The following TANC1 variants were observed in gnomAD, a reference collection of about 807,000 sequenced individuals.
TANC1 encodes the protein tetratricopeptide repeat, ankyrin repeat and coiled-coil containing 1.
Under a neutral mutation model 149.7 loss-of-function variants are expected in TANC1, and 77 were observed. The ratio of observed to expected loss-of-function variants is 0.51; its 90% CI spans 0.43 to 0.62. The LOEUF (loss-of-function observed/expected upper bound fraction) is 0.62, where lower values mean the gene tolerates loss of function less well. Ranked by LOEUF, TANC1 falls within the 20% of genes least tolerant of loss-of-function variation. The probability of loss-of-function intolerance (pLI) is 0.00; values close to 1 mark genes in which losing one functional copy is unlikely to be tolerated. For missense variants in TANC1, 1,985 were observed against 2,321.8 expected (o/e 0.85, Z 2.98); for synonymous variants, 854 against 925.0 (o/e 0.92, Z 1.39).
chr2:159,024,239 C>T lies in TANC1; in HGVS notation c.-16+23050C>T, dbSNP rs184987529. On this transcript the variant is annotated intron_variant, in intron 2 of 26. Coordinates refer to ENST00000263635, the MANE Select transcript of TANC1 (RefSeq NM_033394.3). ...AAGATTATAATAGGAACTGGAAAAT[C>T]CCTATTGCCTAGTGACATGGTAGCC... Among the ~76,000 whole-genome samples, 597 of 152,216 alleles carry T rather than the reference C, an allele frequency of 3.9e-3. 3 individuals carry two copies. Among genetic ancestry groups the T allele is most frequent in the Non-Finnish European group, 6.3e-3 (430 of 68,010 alleles).
chr2:159,077,747 T>A (rs935873839), intron 3 of TANC1, among the ~76,000 whole-genome samples: 2 of 152,200 alleles, frequency 1.3e-5, no homozygotes, highest in African/African-American at 4.8e-5. Context: ...TATATATATT[T>A]TTTTTATTAC....
intron 4 of TANC1, among the ~76,000 whole-genome samples, chr2:159,113,111 T>C (rs2047921759): frequency 6.6e-6 from 1 of 152,022 alleles, no homozygotes; most frequent in South Asian, 2.1e-4. Flanking sequence ...ATTTTTGTAT[T>C]TTTAGTAGAG....
chr2:159,037,386 T>A (rs1160797004), intron 2 of TANC1, among the ~76,000 whole-genome samples: 1 of 152,208 alleles, frequency 6.6e-6, no homozygotes, highest in Admixed American at 6.5e-5. Context: ...TTTGTCAATT[T>A]TGGCTTTTGT....
rs1290531891 is a variant in TANC1 at position 159,219,728 on chromosome 2, C to A, written c.3539C>A (p.Ser1180Ter). Reference sequence around the variant, plus strand: ...TCTTCTCTAGACAAAGAGGGTCTGTCAGCATTAAGCTGGGCTTGTCTGAAA... The same window carrying A: ...TCTTCTCTAGACAAAGAGGGTCTGTAAGCATTAAGCTGGGCTTGTCTGAAA... Reference protein sequence around the residue: ...ALSSLDKEGLSALSWACLKGH... With the variant: ...ALSSLDKEGL Residue 1180 changes from serine (S) to a stop codon, truncating the protein, a stop_gained, in exon 22 of 27, where the codon TCA (serine) becomes TAA (stop). Coordinates refer to ENST00000263635, the MANE Select transcript of TANC1 (RefSeq NM_033394.3). LOFTEE classifies it high-confidence loss of function. 4 of 1,614,098 alleles carry A rather than the reference C, an allele frequency of 2.5e-6. No individual in the cohort carries two copies. Among genetic ancestry groups the A allele is most frequent in the African/African-American group, 1.3e-5 (1 of 74,916 alleles).
intron 3 of TANC1, among the ~76,000 whole-genome samples, chr2:159,073,675 T>C (rs963002836): frequency 3.9e-5 from 6 of 152,244 alleles, no homozygotes; most frequent in African/African-American, 1.4e-4. Context: ...AAAGGTCTTA[T>C]TTTGTACAGA....
intron 2 of TANC1, among the ~76,000 whole-genome samples, chr2:159,062,973 C>CCAAAAAAAAAAAAAAAAAAA (rs770866772): frequency 7.3e-5 from 3 of 41,216 alleles, no homozygotes; most frequent in Non-Finnish European, 1.6e-4. Context: ...GACTCCGTCT[C>CCAAAAAAAAAAAAAAAAAAA]AAAAAAAAAA....
intron 5 of TANC1, among the ~76,000 whole-genome samples, chr2:159,139,320 G>GA (rs1419081950): frequency 6.6e-6 from 1 of 152,154 alleles, no homozygotes; most frequent in African/African-American, 2.4e-5. Context: ...TCTACTCTAG[G>GA]AAAAACGGAT....
At chr2:159,166,477 G>A (rs1426749104) in intron 8 of TANC1, among the ~76,000 whole-genome samples, 6 of 152,214 alleles carry the variant, frequency 3.9e-5, no homozygotes, top group Non-Finnish European at 8.8e-5. Flanking sequence ...TATGGTGTGT[G>A]TGTGTGTGTG....
chr2:159,217,294 C>G (rs2059408050), intron 19 of TANC1, among the ~76,000 whole-genome samples: 1 of 152,196 alleles, frequency 6.6e-6, no homozygotes, highest in Non-Finnish European at 1.5e-5. Context: ...CAGCCCATCT[C>G]TTAGGACCTG....
chr2:158,999,410 G>C (rs2036430589), intron 1 of TANC1, among the ~76,000 whole-genome samples: 1 of 152,202 alleles, frequency 6.6e-6, no homozygotes, highest in African/African-American at 2.4e-5. Context: ...TAGCAAGGGA[G>C]GTTTATTATT....
At chr2:159,144,890 A>G (rs2051888572) in intron 5 of TANC1, among the ~76,000 whole-genome samples, 1 of 152,236 alleles carries the variant, frequency 6.6e-6, no homozygotes, top group Admixed American at 6.5e-5. Context: ...CTCATTTAGC[A>G]GACTAGATTC....
chr2:159,075,219 A>T (rs1040349488), intron 3 of TANC1, among the ~76,000 whole-genome samples: 1 of 152,174 alleles, frequency 6.6e-6, no homozygotes, highest in East Asian at 1.9e-4. Flanking sequence ...AGAAGTAAAA[A>T]TGAGAATATC....
intron 3 of TANC1, among the ~76,000 whole-genome samples, chr2:159,074,801 G>A (rs780116650): frequency 2.6e-5 from 4 of 152,108 alleles, no homozygotes; most frequent in Non-Finnish European, 5.9e-5. Context: ...CATGCTGCAC[G>A]CTTGAAAGTC....
At chr2:159,106,836 T>C (rs1193636166) in intron 4 of TANC1, among the ~76,000 whole-genome samples, 1 of 152,210 alleles carries the variant, frequency 6.6e-6, no homozygotes, top group Non-Finnish European at 1.5e-5. Context: ...GCTTGTATTG[T>C]CTTTTTTATT....
At chr2:159,195,092 A>G (rs1294233645) in intron 17 of TANC1, among the ~76,000 whole-genome samples, 2 of 152,190 alleles carry the variant, frequency 1.3e-5, no homozygotes, top group Admixed American at 6.5e-5. Context: ...TGAAGTAAGT[A>G]TGTATTGCTA....
At chr2:159,134,321 T>C (rs1467738758) in intron 4 of TANC1, among the ~76,000 whole-genome samples, 3 of 152,204 alleles carry the variant, frequency 2.0e-5, no homozygotes, top group South Asian at 2.1e-4. Context: ...TTCTTTATTT[T>C]TGAGACAGGG....
intron 3 of TANC1, among the ~76,000 whole-genome samples, chr2:159,084,304 C>T (rs188002858): frequency 2.6e-5 from 4 of 152,090 alleles, no homozygotes; most frequent in East Asian, 3.8e-4. Flanking sequence ...TAGCTCCCCC[C>T]CCAATACAGG....
intron 3 of TANC1, among the ~76,000 whole-genome samples, chr2:159,068,431 C>A (rs1472696487): frequency 6.6e-6 from 1 of 152,106 alleles, no homozygotes; most frequent in African/African-American, 2.4e-5. Flanking sequence ...ATTTAGGAGA[C>A]ATGTCTAAAA....
rs980884053 is a variant in TANC1, at chr2:159,070,221, A to G, written c.61+4250A>G. On this transcript the variant is annotated intron_variant, in intron 3 of 26. Coordinates refer to ENST00000263635, the MANE Select transcript of TANC1 (RefSeq NM_033394.3). Reference sequence around the variant, plus strand: ...CTAGCTCCTCCATAATTATGTAGACATTCCATTTAATCCCTAATGAAATCC... The same window carrying G: ...CTAGCTCCTCCATAATTATGTAGACGTTCCATTTAATCCCTAATGAAATCC... Among the ~76,000 whole-genome samples the G allele has an allele frequency of 1.2e-4, 19 of 152,214 alleles. 1 individual carries two copies. Among genetic ancestry groups the G allele is most frequent in the South Asian group, 1.0e-3 (5 of 4,822 alleles).
Sources: gnomAD v4.1 joint callset for allele counts (sites outside exome capture counted in the v4.1 genomes callset) on GRCh38, gnomAD v4.1.1 for gene constraint, MANE v1.5 for transcripts, NCBI Gene and HGNC (gene_info 2026-07-23, HGNC 2026-07-21) for gene names.